The following TSPAN18 variants were observed in gnomAD, a reference collection of about 807,000 sequenced individuals.
The protein encoded by TSPAN18 is tetraspanin-18.
A neutral mutation model predicts 27.3 loss-of-function variants in TSPAN18; 14 were observed. The ratio of observed to expected loss-of-function variants is 0.51; its 90% CI spans 0.34 to 0.80. The LOEUF is 0.80. TSPAN18 is among the 30% of genes least tolerant of loss of function. The probability of loss-of-function intolerance (pLI) is 0.01; values close to 1 mark genes in which losing one functional copy is unlikely to be tolerated. For missense variants in TSPAN18, 268 were observed against 323.9 expected, an observed-to-expected ratio of 0.83 and a Z score of 1.32; for synonymous variants, 143 against 136.5, an observed-to-expected ratio of 1.05 and a Z score of -0.33.
At chr11:44,834,341 T>C (rs764978831) in intron 2 of TSPAN18, among the ~76,000 whole-genome samples, 11 of 152,112 alleles carry the variant, frequency 7.2e-5, no homozygotes, top group Non-Finnish European at 1.5e-4. Flanking sequence ...CTGGGGCTTT[T>C]TGTTGGCTCC....
chr11:44,909,823 T>TG lies in TSPAN18; in HGVS notation c.188dup (p.Leu64ProfsTer16). On this transcript the variant is annotated frameshift_variant, in exon 5 of 10. Transcript: ENST00000520358. LOFTEE classifies it high-confidence loss of function. ...ACGGGCGCCTACATCCTCCTGGCCATGGGGGGCCTGCTCTTTCTGCTCGGC... is the reference window on the plus strand; with the variant it reads ...ACGGGCGCCTACATCCTCCTGGCCATGGGGGGGCCTGCTCTTTCTGCTCGGC... The TG allele has an allele frequency of 6.2e-7, 1 of 1,613,864 alleles. No individual in the cohort carries two copies. The highest frequency in any genetic ancestry group is 1.3e-5 in the African/African-American group (1 of 75,014).
At chr11:44,758,541 G>A (rs757067967) in intron 1 of TSPAN18, among the ~76,000 whole-genome samples, 57 of 152,168 alleles carry the variant, frequency 3.7e-4, no homozygotes, top group Admixed American at 2.6e-4. Context: ...TCTGGTTTTG[G>A]TATAAGAGTA....
intron 1 of TSPAN18, among the ~76,000 whole-genome samples, chr11:44,728,734 T>C (rs1235547198): frequency 6.6e-6 from 1 of 152,182 alleles, no homozygotes; most frequent in Non-Finnish European, 1.5e-5. Context: ...ATGTTGAGTC[T>C]GTGTGTCTGT....
chr11:44,736,002 G>A (rs1309722520), intron 1 of TSPAN18, among the ~76,000 whole-genome samples: 1 of 152,148 alleles, frequency 6.6e-6, no homozygotes, highest in Non-Finnish European at 1.5e-5. Flanking sequence ...GGGGTACACA[G>A]ATCAACCCAT....
chr11:44,771,583 C>T (rs554006351), intron 2 of TSPAN18, among the ~76,000 whole-genome samples: 1 of 152,274 alleles, frequency 6.6e-6, no homozygotes, highest in Admixed American at 6.5e-5. Context: ...GCTGGATATA[C>T]AGATAGGATA....
At chr11:44,824,845 C>CTCAT (rs921248639) in intron 2 of TSPAN18, among the ~76,000 whole-genome samples, 56 of 152,332 alleles carry the variant, frequency 3.7e-4, no homozygotes, top group African/African-American at 1.3e-3. Flanking sequence ...GGATGATGCT[C>CTCAT]TCATTCATTC....
At chr11:44,926,835 T>C (rs1860378205) in intron 9 of TSPAN18, 78 bp downstream of exon 9, 2 of 1,509,122 alleles carry the variant, frequency 1.3e-6, no homozygotes, top group African/African-American at 2.7e-5. Flanking sequence ...CCCAGCCTCC[T>C]TTCCTCTTCA....
chr11:44,883,775 C>T (rs1056953024), intron 3 of TSPAN18, among the ~76,000 whole-genome samples: 2 of 152,242 alleles, frequency 1.3e-5, no homozygotes, highest in African/African-American at 4.8e-5. Flanking sequence ...GACTTGGACA[C>T]CTCTGAGCCC....
chr11:44,734,126 G>C (rs1854730672), intron 1 of TSPAN18, among the ~76,000 whole-genome samples: 1 of 152,222 alleles, frequency 6.6e-6, no homozygotes, highest in Admixed American at 6.5e-5. Context: ...GCACATGCCA[G>C]CTCCCCTTCA....
chr11:44,813,952 T>C (rs1443350939), intron 2 of TSPAN18, among the ~76,000 whole-genome samples: 1 of 152,212 alleles, frequency 6.6e-6, no homozygotes, highest in African/African-American at 2.4e-5. Context: ...ATCCTGGGAA[T>C]GGGGCCTTGG....
intron 2 of TSPAN18, among the ~76,000 whole-genome samples, chr11:44,777,316 T>G (rs1855835017): frequency 6.6e-6 from 1 of 151,852 alleles, no homozygotes; most frequent in South Asian, 2.1e-4. Flanking sequence ...GGGTTGGGGG[T>G]GGGGAGGACA....
At chr11:44,844,767 TC>T (rs1174838820) in intron 2 of TSPAN18, among the ~76,000 whole-genome samples, 1 of 152,230 alleles carries the variant, frequency 6.6e-6, no homozygotes, top group Non-Finnish European at 1.5e-5. Context: ...CAAATACTTT[TC>T]CCAGTCTGTG....
intron 8 of TSPAN18, among the ~76,000 whole-genome samples, chr11:44,920,672 C>T (rs575584030): frequency 3.0e-4 from 46 of 151,968 alleles, no homozygotes; most frequent in Non-Finnish European, 5.7e-4. Flanking sequence ...GGGTGTGTGA[C>T]CAGGCTAGGC....
chr11:44,822,915 T>TGA (rs1020160005), intron 2 of TSPAN18, among the ~76,000 whole-genome samples: 2 of 152,222 alleles, frequency 1.3e-5, no homozygotes, highest in Non-Finnish European at 2.9e-5. Flanking sequence ...GGAGCTGAGT[T>TGA]GATTCTCCCA....
intron 3 of TSPAN18, among the ~76,000 whole-genome samples, chr11:44,888,717 C>T (rs1389935134): frequency 2.0e-5 from 3 of 152,176 alleles, no homozygotes; most frequent in Admixed American, 6.5e-5. Flanking sequence ...CCCCTCTGGA[C>T]AGTCTCCTGA....
intron 2 of TSPAN18, among the ~76,000 whole-genome samples, chr11:44,846,612 G>T (rs1857490202): frequency 6.6e-6 from 1 of 152,098 alleles, no homozygotes; most frequent in South Asian, 2.1e-4. Flanking sequence ...GTGTTTGTGT[G>T]TGTGTCTATG....
chr11:44,785,232 G>T (rs1334227081), intron 2 of TSPAN18, among the ~76,000 whole-genome samples: 1 of 152,190 alleles, frequency 6.6e-6, no homozygotes, highest in Non-Finnish European at 1.5e-5. Context: ...CAGATCCAGA[G>T]ACATGGAAAA....
chr11:44,820,876 A>G (rs868747343), intron 2 of TSPAN18, among the ~76,000 whole-genome samples: 3 of 152,310 alleles, frequency 2.0e-5, no homozygotes, highest in South Asian at 2.1e-4. Flanking sequence ...GCCATGTGAC[A>G]TGCCTGCTCC....
intron 3 of TSPAN18, among the ~76,000 whole-genome samples, chr11:44,867,439 C>G (rs1858071081): frequency 8.3e-6 from 1 of 119,792 alleles, no homozygotes; most frequent in Admixed American, 1.1e-4. Flanking sequence ...CGCTCTGTCA[C>G]CCAGGCTGGA....
Sources: allele counts gnomAD v4.1 joint callset (sites outside exome capture counted in the v4.1 genomes callset), GRCh38; gene constraint gnomAD v4.1.1; transcripts MANE v1.5; gene names NCBI Gene and HGNC (gene_info 2026-07-23, HGNC 2026-07-21).